The following SHISA9 variants were observed in gnomAD, a reference collection of about 807,000 sequenced individuals.
SHISA9 encodes the protein shisa family member 9, also known as protein shisa-9.
SHISA9 carries 13 observed loss-of-function variants against 38.0 expected under a neutral mutation model. That is an observed-to-expected ratio of 0.34 (90% CI 0.22 to 0.54). SHISA9 has a LOEUF of 0.54. Ranked by LOEUF, SHISA9 falls within the 20% of genes least tolerant of loss-of-function variation. The pLI is 0.91. For missense variants in SHISA9, 538 were observed against 575.8 expected, an observed-to-expected ratio of 0.93 and a Z score of 0.67; for synonymous variants, 275 against 242.0, an observed-to-expected ratio of 1.14 and a Z score of -1.27.
At chr16:13,194,929 G>A (rs902807458) in intron 2 of SHISA9, among the ~76,000 whole-genome samples, 2 of 152,174 alleles carry the variant, frequency 1.3e-5, no homozygotes, top group Non-Finnish European at 2.9e-5. Context: ...ACAGATAATC[G>A]AGGGAGGAAG....
downstream of SHISA9, among the ~76,000 whole-genome samples, chr16:13,243,289 T>C (rs562087773): frequency 1.3e-5 from 2 of 151,782 alleles, no homozygotes; most frequent in East Asian, 3.9e-4. Flanking sequence ...CGAGGACATG[T>C]GTCTGTGACA....
intron 1 of SHISA9, chr16:12,908,579 T>G: frequency 6.4e-7 from 1 of 1,551,744 alleles, no homozygotes; most frequent in Non-Finnish European, 8.7e-7. Flanking sequence ...CTGGACAGTC[T>G]GAGTGCACGG....
At chr16:13,319,629 C>T in the SHISA9 span, among the ~76,000 whole-genome samples, 67 of 152,018 alleles carry the variant, frequency 4.4e-4, no homozygotes, top group African/African-American at 1.5e-3. Context: ...TGGGAGTGTG[C>T]GTGGGGAGCA....
intron 2 of SHISA9, among the ~76,000 whole-genome samples, chr16:13,151,474 T>TA (rs1333618372): frequency 6.6e-6 from 1 of 152,168 alleles, no homozygotes; most frequent in African/African-American, 2.4e-5. Flanking sequence ...ACCTTCTTCT[T>TA]ATGGTCCCAA....
the SHISA9 span, among the ~76,000 whole-genome samples, chr16:13,513,920 A>G: frequency 6.6e-6 from 1 of 152,196 alleles, no homozygotes; most frequent in Admixed American, 6.5e-5. Flanking sequence ...AGTGCAGCAA[A>G]CCACCATGGC....
chr16:13,491,755 G>T, the SHISA9 span, among the ~76,000 whole-genome samples: 1 of 144,456 alleles, frequency 6.9e-6, no homozygotes, highest in Non-Finnish European at 1.5e-5. Flanking sequence ...CTCCCAAAGT[G>T]CTGGGATTAT....
At chr16:13,541,552 CAAGG>C in the SHISA9 span, among the ~76,000 whole-genome samples, 12 of 152,278 alleles carry the variant, frequency 7.9e-5, no homozygotes, top group Non-Finnish European at 1.6e-4. Flanking sequence ...TTTTAGAGTG[CAAGG>C]AATTGAAGAC....
chr16:13,013,406 T>A (rs1485333387), intron 2 of SHISA9, among the ~76,000 whole-genome samples: 2 of 152,136 alleles, frequency 1.3e-5, no homozygotes, highest in Non-Finnish European at 2.9e-5. Context: ...CGGGGGAAAC[T>A]GAACTTTCAT....
chr16:13,540,922 C>T, the SHISA9 span, among the ~76,000 whole-genome samples: 1 of 152,166 alleles, frequency 6.6e-6, no homozygotes, highest in South Asian at 2.1e-4. Flanking sequence ...TGATCCCCAA[C>T]CACTAAAATG....
At chr16:13,150,335 G>A (rs2050488059) in intron 2 of SHISA9, among the ~76,000 whole-genome samples, 1 of 152,118 alleles carries the variant, frequency 6.6e-6, no homozygotes, top group South Asian at 2.1e-4. Flanking sequence ...GTCATGGAGA[G>A]CCTTCCCTGA....
chr16:13,545,159 T>C, the SHISA9 span, among the ~76,000 whole-genome samples: 1 of 152,204 alleles, frequency 6.6e-6, no homozygotes, highest in Non-Finnish European at 1.5e-5. Flanking sequence ...ACCCAGTTTT[T>C]ACCATTGAGA....
At chr16:13,218,192 G>A (rs926535897) in intron 4 of SHISA9, among the ~76,000 whole-genome samples, 5 of 152,188 alleles carry the variant, frequency 3.3e-5, no homozygotes, top group African/African-American at 1.2e-4. Context: ...AGACCTCAAA[G>A]AGGGGCTTGA....
chr16:12,903,301 G>A (rs542540126), intron 1 of SHISA9, among the ~76,000 whole-genome samples: 112 of 152,270 alleles, frequency 7.4e-4, no homozygotes, highest in African/African-American at 2.4e-3. Context: ...CCTGCCCGGG[G>A]CCGTGGCCAT....
chr16:13,020,924 G>C (rs564522263), intron 2 of SHISA9, among the ~76,000 whole-genome samples: 2 of 152,334 alleles, frequency 1.3e-5, no homozygotes, highest in Non-Finnish European at 2.9e-5. Context: ...ATTCTTAGCT[G>C]TGACCACATA....
intron 2 of SHISA9, among the ~76,000 whole-genome samples, chr16:13,146,232 T>C (rs1307777970): frequency 6.6e-6 from 1 of 152,198 alleles, no homozygotes; most frequent in African/African-American, 2.4e-5. Context: ...ATTATTTGAA[T>C]TGAGAAGATG....
Position 13,235,550 on chromosome 16 carries a change from G to C in SHISA9, c.*141G>C. The C allele has an allele frequency of 9.1e-7, 1 of 1,098,236 alleles. No individual in the cohort carries two copies. The highest frequency in any genetic ancestry group is 1.3e-6 in the Non-Finnish European group (1 of 793,434). 68.0% of individuals were successfully genotyped at this position (1,098,236 alleles called of 1,614,324 possible). A position where few individuals can be genotyped will look rare whatever the true frequency, so the allele number is the denominator to read the frequency against. ...ACAAGAACCAACTCTAAACCTACTG[G>C]GGACACAGAGTCGCGCTTTTCCTAG... On this transcript the variant is annotated 3_prime_UTR_variant, in exon 5 of 5. Coordinates refer to ENST00000558583, the MANE Select transcript of SHISA9 (RefSeq NM_001145204.3).
At chr16:13,029,218 C>G (rs1430670853) in intron 2 of SHISA9, among the ~76,000 whole-genome samples, 2 of 152,124 alleles carry the variant, frequency 1.3e-5, no homozygotes, top group Non-Finnish European at 2.9e-5. Flanking sequence ...TCACAATAGC[C>G]AGATTTGGAA....
intron 2 of SHISA9, among the ~76,000 whole-genome samples, chr16:13,147,020 G>A (rs192032942): frequency 2.0e-4 from 31 of 152,298 alleles, no homozygotes; most frequent in Admixed American, 8.5e-4. Flanking sequence ...ATGAGTGAAT[G>A]AATGAATGAA....
intron 2 of SHISA9, among the ~76,000 whole-genome samples, chr16:13,068,263 A>G (rs1025102445): frequency 6.6e-6 from 1 of 152,208 alleles, no homozygotes; most frequent in Non-Finnish European, 1.5e-5. Context: ...TTACCTGCCC[A>G]GGCCTCCGTT....
Sources: allele counts gnomAD v4.1 joint callset (sites outside exome capture counted in the v4.1 genomes callset), GRCh38; gene constraint gnomAD v4.1.1; transcripts MANE v1.5; gene names NCBI Gene and HGNC (gene_info 2026-07-23, HGNC 2026-07-21).